Variants in STK40 observed in about 807,000 individuals in gnomAD.
STK40 encodes the protein serine/threonine kinase 40, also known as serine/threonine-protein kinase 40.
In STK40, 13 loss-of-function variants were observed where a neutral mutation model predicts 47.9. The ratio of observed to expected loss-of-function variants is 0.27; its 90% CI spans 0.18 to 0.43. STK40 has a LOEUF of 0.43. Ranked by LOEUF, STK40 falls within the 20% of genes least tolerant of loss-of-function variation. STK40 has a pLI of 1.00. For missense variants in STK40, 460 were observed against 595.1 expected (o/e 0.77, Z 2.36); for synonymous variants, 225 against 243.2 (o/e 0.93, Z 0.69).
intron 1 of STK40, among the ~76,000 whole-genome samples, chr1:36,379,770 G>A (rs1469913554): frequency 6.6e-6 from 1 of 152,034 alleles, no homozygotes; most frequent in Non-Finnish European, 1.5e-5. Flanking sequence ...CTTGCTGGGG[G>A]AAAAATAAGG....
At chr1:36,372,783 A>G (rs1646960765) in intron 1 of STK40, 2 of 152,282 alleles carry the variant, frequency 1.3e-5, no homozygotes, top group South Asian at 2.1e-4. Context: ...CTCTGGAGAA[A>G]AGGGCTGAGT....
At chr1:36,377,202 T>C (rs1166541532) in intron 1 of STK40, among the ~76,000 whole-genome samples, 1 of 152,180 alleles carries the variant, frequency 6.6e-6, no homozygotes, top group Non-Finnish European at 1.5e-5. Context: ...CAATACTTTT[T>C]TAAAATCTAA....
intron 1 of STK40, chr1:36,362,608 C>CTCCA (rs1360803729): frequency 2.6e-5 from 4 of 152,200 alleles, no homozygotes; most frequent in African/African-American, 9.7e-5. Flanking sequence ...AAACACAGAA[C>CTCCA]TCCAGCCTGT....
chr1:36,379,105 G>C (rs1180958130), intron 1 of STK40, among the ~76,000 whole-genome samples: 1 of 152,152 alleles, frequency 6.6e-6, no homozygotes, highest in African/African-American at 2.4e-5. Flanking sequence ...CCACTACAAT[G>C]ACCAGTCCAC....
intron 6 of STK40, among the ~76,000 whole-genome samples, chr1:36,350,570 A>G (rs886669312): frequency 3.3e-5 from 5 of 152,190 alleles, no homozygotes; most frequent in Admixed American, 6.5e-5. Context: ...CCCAGCACCA[A>G]ACTCCAGAAC....
chr1:36,362,967 C>T (rs1646866460), intron 1 of STK40, among the ~76,000 whole-genome samples: 1 of 152,130 alleles, frequency 6.6e-6, no homozygotes, highest in Non-Finnish European at 1.5e-5. Context: ...GCCAGCCTGG[C>T]CAACATGGTG....
intron 6 of STK40, among the ~76,000 whole-genome samples, chr1:36,350,303 T>C (rs981219496): frequency 2.0e-5 from 3 of 152,150 alleles, no homozygotes; most frequent in Non-Finnish European, 4.4e-5. Context: ...GCCCTGAATA[T>C]GGGGCTGCTC....
At chr1:36,353,435 G>A (rs576968061) in intron 6 of STK40, among the ~76,000 whole-genome samples, 1 of 152,310 alleles carries the variant, frequency 6.6e-6, no homozygotes, top group East Asian at 1.9e-4. Flanking sequence ...GTCGAGGCGG[G>A]ATGACAACCT....
chr1:36,356,418 CTTTT>C (rs1002682531), intron 4 of STK40, among the ~76,000 whole-genome samples: 13 of 116,806 alleles, frequency 1.1e-4, no homozygotes, highest in African/African-American at 2.9e-4. Flanking sequence ...TCTTCTTTTT[CTTTT>C]TTTTTTTTTT....
At chr1:36,384,779 G>A (rs1570473856) in intron 1 of STK40, among the ~76,000 whole-genome samples, 1 of 152,322 alleles carries the variant, frequency 6.6e-6, no homozygotes, top group Admixed American at 6.5e-5. Context: ...AGCACTAAAG[G>A]AGCTCACAGG....
rs1272685210 is a variant in STK40 at position 36,348,688 on chromosome 1, A to G, written c.739+12T>C. 8 of 1,593,028 alleles carry G rather than the reference A, an allele frequency of 5.0e-6. No individual in the cohort carries two copies. Among genetic ancestry groups the G allele is most frequent in the Non-Finnish European group, 6.8e-6 (8 of 1,169,186 alleles). ...TGAGCTTAGAGGCCCAATGTCTGGC[A>G]CACACACGTACCGCTGAGCACGTCG... On this transcript the variant is annotated intron_variant, in intron 7 of 10. Transcript: ENST00000373132.
intron 1 of STK40, among the ~76,000 whole-genome samples, chr1:36,379,122 T>G (rs1364338726): frequency 6.6e-6 from 1 of 152,204 alleles, no homozygotes; most frequent in Non-Finnish European, 1.5e-5. Flanking sequence ...CCACTCTCTC[T>G]TCCTTCTGGA....
intron 7 of STK40, among the ~76,000 whole-genome samples, chr1:36,347,949 G>C (rs1032557010): frequency 6.6e-5 from 10 of 152,198 alleles, no homozygotes; most frequent in African/African-American, 2.4e-4. Flanking sequence ...CACCCGGCCT[G>C]TGAGTTACTT....
At chr1:36,349,499 A>G (rs1225913015) in intron 6 of STK40, among the ~76,000 whole-genome samples, 2 of 152,204 alleles carry the variant, frequency 1.3e-5, no homozygotes, top group Non-Finnish European at 2.9e-5. Context: ...AGGGCCCCAG[A>G]GCTGCACACA....
intron 1 of STK40, among the ~76,000 whole-genome samples, chr1:36,365,158 T>C (rs1646890895): frequency 6.6e-6 from 1 of 152,116 alleles, no homozygotes; most frequent in Non-Finnish European, 1.5e-5. Flanking sequence ...ACCCACCTAA[T>C]TTTGTATTTT....
chr1:36,365,284 C>T (rs561688748), intron 1 of STK40, among the ~76,000 whole-genome samples: 3 of 152,208 alleles, frequency 2.0e-5, no homozygotes, highest in Admixed American at 6.5e-5. Context: ...GCACCGCGCC[C>T]GGCCTGTTTT....
In STK40 at chr1:36,344,112, G is replaced by A; in HGVS notation, c.884+8C>T. ...TGCCCCCCCCACCCCCCGGGAGGCA[G>A]GACTCACTCAGGAATGGTATACTCG... On this transcript the variant is annotated splice_region_variant and intron_variant, in intron 8 of 10. Transcript: ENST00000373132. The A allele has an allele frequency of 6.3e-7, 1 of 1,588,910 alleles. No homozygotes were observed.
rs1055733693 is a variant in STK40 at position 36,341,921 on chromosome 1, T to A, written c.1142A>T (p.Gln381Leu). 1 of 1,613,974 alleles carries A rather than the reference T, an allele frequency of 6.2e-7. No homozygotes were observed. The highest frequency in any genetic ancestry group is 1.3e-5 in the African/African-American group (1 of 74,950). ...CTTCTCCTCGGCCAGCAGCAGCTGC[T>A]GACGCATGTAGTTCTCAAACTCGTA... ...SQYEFENYMR[Q>L]QLLLAEEKSS... is the part of the protein sequence containing the mutation. The change falls in exon 11 of 11, where the codon CAG (glutamine) becomes CTG (leucine). Residue 381 changes from glutamine (Q) to leucine (L), a missense_variant. Transcript: ENST00000373132.
intron 3 of STK40, 109 bp downstream of exon 3, chr1:36,358,628 G>A (rs1646825931): frequency 7.9e-6 from 10 of 1,267,216 alleles, no homozygotes; most frequent in South Asian, 4.1e-5. Flanking sequence ...GGGAAGAAAT[G>A]GCGCTACTCT....
Sources: gnomAD v4.1 joint callset for allele counts (sites outside exome capture counted in the v4.1 genomes callset) on GRCh38, gnomAD v4.1.1 for gene constraint, MANE v1.5 for transcripts, NCBI Gene and HGNC (gene_info 2026-07-23, HGNC 2026-07-21) for gene names.